ATG10: variants seen among roughly 807,000 people sequenced by gnomAD.
ATG10 encodes the protein autophagy related 10.
Under a neutral mutation model 32.1 loss-of-function variants are expected in ATG10, and 30 were observed. The observed-to-expected ratio is 0.94, with a 90% CI of 0.70 to 1.27. The LOEUF (loss-of-function observed/expected upper bound fraction) is 1.27, where lower values mean the gene tolerates loss of function less well. Ranked by LOEUF, ATG10 falls within the 50% of genes most tolerant of loss-of-function variation. ATG10 has a pLI of 0.00. For synonymous variants in ATG10, 87 were observed against 91.5 expected, an observed-to-expected ratio of 0.95 and a Z score of 0.28; for missense variants, 233 against 262.3, an observed-to-expected ratio of 0.89 and a Z score of 0.77.
At chr5:82,101,416 C>G (rs532001910) in intron 3 of ATG10, among the ~76,000 whole-genome samples, 1 of 152,182 alleles carries the variant, frequency 6.6e-6, no homozygotes, top group African/African-American at 2.4e-5. Flanking sequence ...TTCTACTCAT[C>G]TTTTTTGGCC....
intron 3 of ATG10, among the ~76,000 whole-genome samples, chr5:82,105,903 A>G (rs1488479589): frequency 6.6e-6 from 1 of 152,200 alleles, no homozygotes; most frequent in Non-Finnish European, 1.5e-5. Context: ...AGAATGGACT[A>G]AAAATACAAT....
At chr5:82,004,453 A>T (rs1238024209) in intron 2 of ATG10, among the ~76,000 whole-genome samples, 1 of 152,340 alleles carries the variant, frequency 6.6e-6, no homozygotes, top group Admixed American at 6.5e-5. Context: ...GAACCAAGGT[A>T]ATTGACACTA....
chr5:82,015,141 G>A (rs545135631), intron 2 of ATG10, among the ~76,000 whole-genome samples: 13 of 152,196 alleles, frequency 8.5e-5, no homozygotes, highest in Non-Finnish European at 1.8e-4. Flanking sequence ...CTTTAAGAAT[G>A]TTGAATATTG....
intron 3 of ATG10, among the ~76,000 whole-genome samples, chr5:82,162,081 A>G (rs577325522): frequency 6.6e-6 from 1 of 152,274 alleles, no homozygotes; most frequent in African/African-American, 2.4e-5. Flanking sequence ...ATGTGTGTAT[A>G]TATGTATATA....
intron 3 of ATG10, among the ~76,000 whole-genome samples, chr5:82,124,641 G>A (rs1256714425): frequency 6.7e-6 from 1 of 148,792 alleles, no homozygotes; most frequent in Non-Finnish European, 1.5e-5. Context: ...TTCTTTTTTA[G>A]GGTATTCCAT....
In ATG10 at chr5:82,253,411, C is replaced by T. The variant is rs531539043; in HGVS notation, c.649C>T (p.Arg217Ter). The T allele has an allele frequency of 1.3e-5, 20 of 1,591,224 alleles. No homozygotes were observed. The Admixed American group carries it at 2.5e-4, about 20-fold the overall frequency. Reference protein sequence around the residue: ...SYAKATSQDERNVP With the variant: ...SYAKATSQDE ...TGCCAAAGCAACGTCTCAGGATGAA[C>T]GAAATGTCCCTTAACAAGGTAAAAG... The change falls in exon 7 of 8, where the codon CGA becomes TGA. Residue 217 changes from arginine to a stop codon, truncating the protein, a stop_gained. Transcript: ENST00000282185. LOFTEE classifies it high-confidence loss of function.
At chr5:82,008,341 G>A (rs1180327759) in intron 2 of ATG10, among the ~76,000 whole-genome samples, 1 of 151,886 alleles carries the variant, frequency 6.6e-6, no homozygotes, top group Non-Finnish European at 1.5e-5. Context: ...TGCACTTGGA[G>A]CAGTAGGCTG....
chr5:82,251,328 A>G (rs1447233565), intron 5 of ATG10, among the ~76,000 whole-genome samples: 3 of 152,186 alleles, frequency 2.0e-5, no homozygotes, highest in Non-Finnish European at 4.4e-5. Context: ...GTTGGCTGAG[A>G]GAAGAAGCCA....
At chr5:82,039,656 C>T (rs1292654704) in intron 2 of ATG10, among the ~76,000 whole-genome samples, 1 of 152,100 alleles carries the variant, frequency 6.6e-6, no homozygotes, top group Non-Finnish European at 1.5e-5. Flanking sequence ...TCTATAGAAA[C>T]TTAAATATAT....
chr5:82,151,819 G>A (rs1202897785), intron 3 of ATG10, among the ~76,000 whole-genome samples: 2 of 148,854 alleles, frequency 1.3e-5, no homozygotes, highest in Non-Finnish European at 3.0e-5. Flanking sequence ...ACGACTCATT[G>A]AAAGGCATCC....
At chr5:82,023,363 A>G (rs1011849053) in intron 2 of ATG10, among the ~76,000 whole-genome samples, 1 of 152,146 alleles carries the variant, frequency 6.6e-6, no homozygotes, top group African/African-American at 2.4e-5. Flanking sequence ...ATCCTACTTT[A>G]GGTGTTAAAT....
chr5:82,027,897 A>C (rs1205562990), intron 2 of ATG10, among the ~76,000 whole-genome samples: 1 of 152,208 alleles, frequency 6.6e-6, no homozygotes, highest in African/African-American at 2.4e-5. Context: ...AGCAAACTGC[A>C]CTGGCACCTC....
At chr5:82,184,582 T>G (rs1419823205) in intron 5 of ATG10, among the ~76,000 whole-genome samples, 1 of 152,112 alleles carries the variant, frequency 6.6e-6, no homozygotes, top group Non-Finnish European at 1.5e-5. Context: ...AACCTTTGCT[T>G]TCTAGGACCA....
chr5:82,167,922 GAC>G (rs996777674), intron 4 of ATG10, among the ~76,000 whole-genome samples: 15 of 152,230 alleles, frequency 9.9e-5, no homozygotes, highest in Non-Finnish European at 1.9e-4. Context: ...GAGGTGGTGG[GAC>G]ACAGTTAATA....
intron 3 of ATG10, among the ~76,000 whole-genome samples, chr5:82,142,634 T>G (rs1405436971): frequency 6.6e-6 from 1 of 152,172 alleles, no homozygotes; most frequent in African/African-American, 2.4e-5. Flanking sequence ...AACTGCATTG[T>G]CATGTGCTAG....
chr5:82,139,564 C>T (rs1766955981), intron 3 of ATG10, among the ~76,000 whole-genome samples: 1 of 146,816 alleles, frequency 6.8e-6, no homozygotes, highest in African/African-American at 2.5e-5. Context: ...AGCGTCTCTG[C>T]CCGGCCGCCC....
chr5:81,992,755 GCTATAATTTA>G (rs1253597238), intron 2 of ATG10, among the ~76,000 whole-genome samples: 1 of 152,128 alleles, frequency 6.6e-6, no homozygotes. Context: ...TTAGAGAACT[GCTATAATTTA>G]ACTTTATAGA....
intron 2 of ATG10, among the ~76,000 whole-genome samples, chr5:82,056,076 C>T (rs548930374): frequency 6.6e-6 from 1 of 152,192 alleles, no homozygotes; most frequent in East Asian, 1.9e-4. Context: ...GGTATTCCTG[C>T]CGTTAAGTGA....
At chr5:81,996,284 G>C (rs2149678649) in intron 2 of ATG10, among the ~76,000 whole-genome samples, 1 of 152,228 alleles carries the variant, frequency 6.6e-6, no homozygotes, top group East Asian at 1.9e-4. Flanking sequence ...AGGTGCTGGA[G>C]TGCAGTGCAG....
Sources: allele counts gnomAD v4.1 joint callset (sites outside exome capture counted in the v4.1 genomes callset), GRCh38; gene constraint gnomAD v4.1.1; transcripts MANE v1.5; gene names NCBI Gene and HGNC (gene_info 2026-07-23, HGNC 2026-07-21).